Variants in KIF6 observed in about 807,000 individuals in gnomAD.
KIF6 encodes the protein kinesin family member 6, also known as kinesin-like protein KIF6.
In KIF6, 106 loss-of-function variants were observed where a neutral mutation model predicts 112.7. The ratio of observed to expected loss-of-function variants is 0.94; its 90% CI spans 0.80 to 1.11. The LOEUF is 1.11. KIF6 is among the 50% of genes least tolerant of loss of function. The pLI is 0.00. For missense variants in KIF6, 929 were observed against 964.0 expected (o/e 0.96, Z 0.48); for synonymous variants, 339 against 339.9 (o/e 1.00, Z 0.03).
intron 3 of KIF6, chr6:39,691,548 T>C (rs1215164924): frequency 2.0e-5 from 3 of 152,212 alleles, no homozygotes; most frequent in Non-Finnish European, 4.4e-5. Context: ...TTTCTATGTA[T>C]GAAAACAGAA....
chr6:39,435,212 G>A (rs963644246), intron 13 of KIF6, among the ~76,000 whole-genome samples: 7 of 152,122 alleles, frequency 4.6e-5, no homozygotes, highest in East Asian at 3.9e-4. Flanking sequence ...CCATGAGATC[G>A]TACTCTTATT....
chr6:39,426,742 C>G (rs1770791083), intron 14 of KIF6, among the ~76,000 whole-genome samples: 1 of 152,024 alleles, frequency 6.6e-6, no homozygotes, highest in African/African-American at 2.4e-5. Flanking sequence ...CAGAGTGAGA[C>G]TCTGTCTCTT....
chr6:39,600,218 A>C (rs1051397316), intron 6 of KIF6, among the ~76,000 whole-genome samples: 14 of 152,224 alleles, frequency 9.2e-5, no homozygotes, highest in Admixed American at 8.5e-4. Flanking sequence ...AGGCAGATTC[A>C]TTCAAAGTTA....
chr6:39,667,304 T>C (rs1210585020), intron 3 of KIF6, among the ~76,000 whole-genome samples: 1 of 152,066 alleles, frequency 6.6e-6, no homozygotes, highest in Non-Finnish European at 1.5e-5. Flanking sequence ...GGGGATGAAG[T>C]CAGTCCTGGA....
chr6:39,340,841 T>C (rs1264355313), intron 22 of KIF6, among the ~76,000 whole-genome samples: 9 of 152,042 alleles, frequency 5.9e-5, no homozygotes, highest in Admixed American at 3.9e-4. Context: ...CTTAAAGATA[T>C]TGCTTGCTTG....
intron 15 of KIF6, among the ~76,000 whole-genome samples, chr6:39,410,481 C>T (rs1769403270): frequency 6.6e-6 from 1 of 151,968 alleles, no homozygotes; most frequent in Admixed American, 6.5e-5. Context: ...AAAAATTGAA[C>T]AATATAAAAA....
At chr6:39,725,051 G>C (rs1430408092) in intron 1 of KIF6, among the ~76,000 whole-genome samples, 194 bp downstream of exon 1, 4 of 152,196 alleles carry the variant, frequency 2.6e-5, no homozygotes, top group Non-Finnish European at 5.9e-5. Context: ...CCTGGCTGTC[G>C]GTCGCGTAGC....
intron 14 of KIF6, among the ~76,000 whole-genome samples, chr6:39,430,329 C>G (rs1402014072): frequency 6.6e-6 from 1 of 152,136 alleles, no homozygotes; most frequent in African/African-American, 2.4e-5. Flanking sequence ...ACTCAGATCT[C>G]ATTTTAATTC....
Position 39,385,661 on chromosome 6 carries a change from C to T in KIF6, c.1822G>A (p.Glu608Lys). 1.9e-6 allele frequency: 3 copies of T among 1,613,584 alleles called. No individual in the cohort carries two copies. The highest frequency in any genetic ancestry group is 2.5e-6 in the Non-Finnish European group (3 of 1,179,664). ...EARSKIGHLK[E>K]EITQRHIQQV... Reference sequence around the variant, plus strand: ...TGTATATGCCGCTGGGTGATTTCTTCCTTCAGGTGACCTGCCAAAGACACA... The same window carrying T: ...TGTATATGCCGCTGGGTGATTTCTTTCTTCAGGTGACCTGCCAAAGACACA... The change falls in exon 16 of 23, where the codon GAA becomes AAA. Residue 608 changes from glutamate to lysine, a missense_variant. By Grantham distance (56) the Glu-to-Lys change is moderately conservative (BLOSUM62 1). This residue lies in a region of KIF6 where 241 missense variants were observed against 301.4 expected (regional missense o/e 0.80). Transcript: ENST00000287152.
At chr6:39,537,160 C>T (rs1217608566) in intron 13 of KIF6, among the ~76,000 whole-genome samples, 1 of 152,140 alleles carries the variant, frequency 6.6e-6, no homozygotes, top group Non-Finnish European at 1.5e-5. Flanking sequence ...TGGCACAAGA[C>T]AGGGATGCCC....
intron 5 of KIF6, among the ~76,000 whole-genome samples, chr6:39,631,185 T>C (rs1784335520): frequency 1.3e-5 from 2 of 151,970 alleles, no homozygotes; most frequent in Admixed American, 1.3e-4. Context: ...CTGGGATCAC[T>C]GGATGAGTTA....
intron 13 of KIF6, among the ~76,000 whole-genome samples, chr6:39,532,704 CT>C (rs1364700641): frequency 1.3e-5 from 2 of 152,202 alleles, no homozygotes; most frequent in African/African-American, 4.8e-5. Flanking sequence ...AAAATATATG[CT>C]TCTTAATGAG....
chr6:39,398,012 C>T (rs1461991820), intron 15 of KIF6, among the ~76,000 whole-genome samples: 2 of 152,084 alleles, frequency 1.3e-5, no homozygotes, highest in East Asian at 3.9e-4. Flanking sequence ...GGAGAGAGAT[C>T]CTGAAAAATT....
intron 13 of KIF6, among the ~76,000 whole-genome samples, chr6:39,509,173 A>G (rs1247080684): frequency 6.6e-6 from 1 of 152,206 alleles, no homozygotes; most frequent in Non-Finnish European, 1.5e-5. Flanking sequence ...AACAGAAAGG[A>G]ATAGCATCAA....
intron 16 of KIF6, among the ~76,000 whole-genome samples, chr6:39,366,744 C>T (rs1397334745): frequency 6.6e-6 from 1 of 152,138 alleles, no homozygotes; most frequent in Admixed American, 6.5e-5. Flanking sequence ...GAAGGGAAAT[C>T]GTGGTGGGAG....
At chr6:39,367,690 C>G (rs1187209195) in intron 16 of KIF6, among the ~76,000 whole-genome samples, 2 of 152,198 alleles carry the variant, frequency 1.3e-5, no homozygotes, top group African/African-American at 4.8e-5. Flanking sequence ...GAAGGCCAGT[C>G]AAGATGTGGA....
chr6:39,442,180 G>T (rs1231578127), intron 13 of KIF6, among the ~76,000 whole-genome samples: 2 of 152,200 alleles, frequency 1.3e-5, no homozygotes, highest in African/African-American at 2.4e-5. Flanking sequence ...TTTTCCTTTT[G>T]TCTTGGTAAC....
intron 5 of KIF6, among the ~76,000 whole-genome samples, chr6:39,620,056 C>G (rs918871465): frequency 6.6e-6 from 1 of 152,116 alleles, no homozygotes; most frequent in Non-Finnish European, 1.5e-5. Flanking sequence ...TCATCATTTG[C>G]ATGCTTTTCC....
intron 10 of KIF6, among the ~76,000 whole-genome samples, chr6:39,565,324 T>C (rs1289003851): frequency 6.6e-6 from 1 of 151,936 alleles, no homozygotes; most frequent in African/African-American, 2.4e-5. Context: ...TGCTTCCTCA[T>C]ATGGTCTTTC....
Sources: gnomAD v4.1 joint callset for allele counts (sites outside exome capture counted in the v4.1 genomes callset) on GRCh38, gnomAD v4.1.1 for gene constraint, gnomAD v4.1.1 regional missense constraint, MANE v1.5 for transcripts, NCBI Gene and HGNC (gene_info 2026-07-23, HGNC 2026-07-21) for gene names.